MSI1: variants seen among roughly 807,000 people sequenced by gnomAD.
MSI1 encodes the protein RNA-binding protein Musashi homolog 1.
In MSI1, 15 loss-of-function variants were observed where a neutral mutation model predicts 54.4. The ratio of observed to expected loss-of-function variants is 0.28; its 90% CI spans 0.18 to 0.42. MSI1 has a LOEUF of 0.42. Ranked by LOEUF, MSI1 falls within the 20% of genes least tolerant of loss-of-function variation. MSI1 has a pLI of 1.00. For missense variants in MSI1, 304 were observed against 506.0 expected (o/e 0.60, Z 3.83); for synonymous variants, 200 against 196.5 (o/e 1.02, Z -0.15).
Position 120,353,281 on chromosome 12 carries a change from A to C in MSI1, c.733+18T>G. On this transcript the variant is annotated intron_variant, in intron 10 of 14. Coordinates refer to ENST00000257552, the MANE Select transcript of MSI1 (RefSeq NM_002442.4). ...CCAGGGGCATGCTGGCAGCAGAGGG[A>C]TACTGAGCAGGACTTACCGGGGAAC... 1 of 1,612,260 alleles carries C rather than the reference A, an allele frequency of 6.2e-7. No homozygotes were observed.
rs1400658389 is a variant in MSI1 at position 120,341,592 on chromosome 12, C to T, written c.*1535G>A. 2.7e-5 allele frequency: 4 copies of T among 150,002 alleles called. No individual in the cohort carries two copies. Among genetic ancestry groups the T allele is most frequent in the South Asian group, 2.1e-4 (1 of 4,766 alleles). 9.3% of individuals were successfully genotyped at this position (150,002 alleles called of 1,614,324 possible). A position where few individuals can be genotyped will look rare whatever the true frequency, so the allele number is the denominator to read the frequency against. On this transcript the variant is annotated 3_prime_UTR_variant, in exon 15 of 15. Transcript: ENST00000257552. Reference sequence around the variant, plus strand: ...TAAGTGTCTCAGGACTCAGCTCAAACGTGTAGAAAATTAAAAATAAAAACC... The same window carrying T: ...TAAGTGTCTCAGGACTCAGCTCAAATGTGTAGAAAATTAAAAATAAAAACC...
chr12:120,364,821 C>T (rs909333746), intron 4 of MSI1, 66 bp from the exon 5 acceptor site: 3 of 1,460,668 alleles, frequency 2.1e-6, no homozygotes, highest in Non-Finnish European at 2.8e-6. Flanking sequence ...GACCACACAG[C>T]CTTCAGCCCT....
intron 12 of MSI1, 75 bp downstream of exon 12, chr12:120,347,371 G>A: frequency 6.5e-7 from 1 of 1,529,796 alleles, no homozygotes; most frequent in Non-Finnish European, 9.0e-7. Context: ...GGTGGCAGTG[G>A]CCTTCTCCCC....
intron 5 of MSI1, among the ~76,000 whole-genome samples, chr12:120,364,273 C>T (rs1249614523): frequency 6.6e-6 from 1 of 152,140 alleles, no homozygotes; most frequent in Non-Finnish European, 1.5e-5. Context: ...GTCCCCTCTG[C>T]CTCTGCAAAG....
rs933463970 is a variant in MSI1 at position 120,342,816 on chromosome 12, G to C, written c.*311C>G. 1 of 149,380 alleles carries C rather than the reference G, an allele frequency of 6.7e-6. No homozygotes were observed. Among genetic ancestry groups the C allele is most frequent in the African/African-American group, 2.5e-5 (1 of 40,448 alleles). The allele number at this position is 149,380 out of a possible 1,614,324, so 9.3% of individuals were successfully genotyped here. A position where few individuals can be genotyped will look rare whatever the true frequency, so the allele number is the denominator to read the frequency against. On this transcript the variant is annotated 3_prime_UTR_variant, in exon 15 of 15. Coordinates refer to ENST00000257552, the MANE Select transcript of MSI1 (RefSeq NM_002442.4). ...GGGCGGTCCTAGGGGGGCGCGGCAC[G>C]GAGGGAGGGATGGACCAGAGGGCTG...
In MSI1 at chr12:120,341,764, C is replaced by G. The variant is rs1873685287; in HGVS notation, c.*1363G>C. ...GCACCTCACACAGACAATTAACTCTCCAAAGGTGGGGTTTCCGGGTGGGGG... is the reference window on the plus strand; with the variant it reads ...GCACCTCACACAGACAATTAACTCTGCAAAGGTGGGGTTTCCGGGTGGGGG... On this transcript the variant is annotated 3_prime_UTR_variant, in exon 15 of 15. Coordinates refer to ENST00000257552, the MANE Select transcript of MSI1 (RefSeq NM_002442.4). 1 of 152,392 alleles carries G rather than the reference C, an allele frequency of 6.6e-6. No individual in the cohort carries two copies. 9.4% of individuals were successfully genotyped at this position (152,392 alleles called of 1,614,324 possible). A position where few individuals can be genotyped will look rare whatever the true frequency, so the allele number is the denominator to read the frequency against.
At chr12:120,365,500 G>GCGTAA (rs1241054422) in intron 4 of MSI1, among the ~76,000 whole-genome samples, 2 of 152,200 alleles carry the variant, frequency 1.3e-5, no homozygotes, top group African/African-American at 4.8e-5. Context: ...GGCCTTCCTT[G>GCGTAA]CGTAACTGAC....
At chr12:120,367,215 G>A (rs1007464675) in intron 4 of MSI1, among the ~76,000 whole-genome samples, 1 of 149,738 alleles carries the variant, frequency 6.7e-6, no homozygotes, top group African/African-American at 2.5e-5. Flanking sequence ...AGGGAAGCAT[G>A]GAGAGAAGAG....
Position 120,347,437 on chromosome 12 carries a change from A to G in MSI1, c.859+9T>C. ...CTCATCTCTCTTCCTGCACCTCAGA[A>G]GAGCTCACCTGTCCCTCGAACCACA... On this transcript the variant is annotated intron_variant, in intron 12 of 14. Coordinates refer to ENST00000257552, the MANE Select transcript of MSI1 (RefSeq NM_002442.4). 6.2e-7 allele frequency: 1 copy of G among 1,614,002 alleles called. No individual in the cohort carries two copies. Among genetic ancestry groups the G allele is most frequent in the Non-Finnish European group, 8.5e-7 (1 of 1,180,020 alleles).
chr12:120,352,799 G>A (rs747979634), intron 10 of MSI1, among the ~76,000 whole-genome samples: 2 of 151,604 alleles, frequency 1.3e-5, no homozygotes, highest in Non-Finnish European at 1.5e-5. Flanking sequence ...CAGGTCTAGT[G>A]TTATCTTTAT....
At chr12:120,343,183 G>A (rs958125803) in intron 14 of MSI1, 78 bp from the exon 15 acceptor site, 1 of 151,966 alleles carries the variant, frequency 6.6e-6, no homozygotes, top group African/African-American at 2.4e-5. Context: ...GAAGAGCTTT[G>A]TTCGTAAACT....
At chr12:120,364,411 G>C (rs968022455) in intron 5 of MSI1, among the ~76,000 whole-genome samples, 1 of 152,118 alleles carries the variant, frequency 6.6e-6, no homozygotes, top group Non-Finnish European at 1.5e-5. Context: ...GTTGGAATTA[G>C]ACTCAGGCTC....
intron 4 of MSI1, among the ~76,000 whole-genome samples, chr12:120,365,646 G>C (rs1287909497): frequency 6.6e-6 from 1 of 152,144 alleles, no homozygotes; most frequent in Admixed American, 6.5e-5. Flanking sequence ...TTCTGTTTTC[G>C]CAGTACTATC....
At chr12:120,348,654 C>T (rs1382401144) in intron 11 of MSI1, among the ~76,000 whole-genome samples, 6 of 151,766 alleles carry the variant, frequency 4.0e-5, no homozygotes, top group Admixed American at 6.6e-5. Context: ...GAGGCCGAGG[C>T]GGGCGGATCA....
chr12:120,365,154 G>A (rs999264117), intron 4 of MSI1, among the ~76,000 whole-genome samples: 10 of 151,940 alleles, frequency 6.6e-5, no homozygotes, highest in Admixed American at 1.3e-4. Flanking sequence ...CAGGTGAGCC[G>A]CCCGCCTCAG....
chr12:120,348,008 G>A (rs552932809), intron 11 of MSI1, among the ~76,000 whole-genome samples: 1 of 152,230 alleles, frequency 6.6e-6, no homozygotes, highest in South Asian at 2.1e-4. Flanking sequence ...GCGCTCTAGG[G>A]GTCAGGCTGA....
intron 4 of MSI1, among the ~76,000 whole-genome samples, 167 bp downstream of exon 4, chr12:120,367,838 TCCC>T (rs1366445187): frequency 6.6e-6 from 1 of 151,560 alleles, no homozygotes; most frequent in African/African-American, 2.4e-5. Flanking sequence ...CTCCTCCCTC[TCCC>T]CCCCAACTCT....
At chr12:120,357,062 G>A in intron 8 of MSI1, 43 bp from the exon 9 acceptor site, 1 of 1,532,250 alleles carries the variant, frequency 6.5e-7, no homozygotes, top group South Asian at 1.1e-5. Flanking sequence ...CAGAGCTAGA[G>A]TCATTAGCCC....
At chr12:120,363,224 A>T (rs1329631165) in intron 5 of MSI1, 89 bp from the exon 6 acceptor site, 3 of 1,073,658 alleles carry the variant, frequency 2.8e-6, no homozygotes, top group Admixed American at 3.5e-5. Context: ...CCAGGATGCC[A>T]GCTGACAAGC....
Sources: gnomAD v4.1 joint callset for allele counts (sites outside exome capture counted in the v4.1 genomes callset) on GRCh38, gnomAD v4.1.1 for gene constraint, MANE v1.5 for transcripts, NCBI Gene and HGNC (gene_info 2026-07-23, HGNC 2026-07-21) for gene names.